Variants in GARNL3 observed in about 807,000 individuals in gnomAD.
GARNL3 encodes GTPase-activating Rap/Ran-GAP domain-like protein 3.
Under a neutral mutation model 125.0 loss-of-function variants are expected in GARNL3, and 63 were observed. The ratio of observed to expected loss-of-function variants is 0.50; its 90% confidence interval spans 0.41 to 0.62. The LOEUF is 0.62. GARNL3 is among the 20% of genes least tolerant of loss of function. The probability of loss-of-function intolerance (pLI) is 0.00; values close to 1 mark genes in which losing one functional copy is unlikely to be tolerated. For missense variants in GARNL3, 994 were observed against 1,244.0 expected (o/e 0.80, Z 3.02); for synonymous variants, 439 against 457.5 (o/e 0.96, Z 0.52).
chr9:127,259,984 G>A (rs1249762290), upstream of GARNL3, among the ~76,000 whole-genome samples: 1 of 152,198 alleles, frequency 6.6e-6, no homozygotes, highest in African/African-American at 2.4e-5. Context: ...AGTGAGCTAT[G>A]ATTACACCAC....
Position 127,344,234 on chromosome 9 carries a change from G to A in GARNL3, c.1252-1G>A. The stretch of plus-strand genomic sequence containing the variant: ...ATTCATAACTTGTTTTTCTTTTTTA[G>A]AACATGCTTAATAGACGATCTTTTA... On this transcript the variant is annotated splice_acceptor_variant, in intron 14 of 27. Coordinates refer to ENST00000373387, the MANE Select transcript of GARNL3 (RefSeq NM_032293.5). LOFTEE classifies it high-confidence loss of function. The A allele has an allele frequency of 6.3e-7, 1 of 1,592,472 alleles. No homozygotes were observed. Among genetic ancestry groups the A allele is most frequent in the Non-Finnish European group, 8.5e-7 (1 of 1,170,724 alleles).
chr9:127,225,861 ACGCCGGCCTCTGCCCGGGC>A (rs1389311396), intron 1 of GARNL3, among the ~76,000 whole-genome samples: 2 of 145,588 alleles, frequency 1.4e-5, no homozygotes, highest in African/African-American at 2.6e-5. Flanking sequence ...CTCCCTCGCG[ACGCCGGCCTCTGCCCGGGC>A]CGCCGGCGCC....
In GARNL3 at chr9:127,333,132, C is replaced by T; in HGVS notation, c.769+11C>T. The T allele has an allele frequency of 6.3e-7, 1 of 1,595,760 alleles. No individual in the cohort carries two copies. Among genetic ancestry groups the T allele is most frequent in the South Asian group, 1.1e-5 (1 of 90,688 alleles). On this transcript the variant is annotated intron_variant, in intron 9 of 27. Transcript: ENST00000373387. The stretch of plus-strand genomic sequence containing the variant: ...GTCTGGATACCAAAAGTAAGCCTGC[C>T]TCTTGATCTATTCTGTTGTAATTTG...
intron 16 of GARNL3, among the ~76,000 whole-genome samples, chr9:127,346,028 T>C (rs1233386308): frequency 1.3e-5 from 2 of 152,188 alleles, no homozygotes; most frequent in Non-Finnish European, 2.9e-5. Context: ...ATGCTGTTGG[T>C]TAGAGGACCA....
intron 10 of GARNL3, 49 bp downstream of exon 10, chr9:127,335,382 G>A (rs1588880276): frequency 7.3e-7 from 1 of 1,365,312 alleles, no homozygotes; most frequent in East Asian, 2.3e-5. Context: ...ATGTGGAGAG[G>A]GCACCATTAT....
chr9:127,273,070 T>A (rs2063863009), intron 1 of GARNL3, among the ~76,000 whole-genome samples: 1 of 152,188 alleles, frequency 6.6e-6, no homozygotes, highest in South Asian at 2.1e-4. Context: ...GTAGATGTAT[T>A]TACTTATTTA....
chr9:127,358,966 TG>T (rs141487627), intron 21 of GARNL3, among the ~76,000 whole-genome samples: 1 of 151,922 alleles, frequency 6.6e-6, no homozygotes, highest in East Asian at 1.9e-4. Flanking sequence ...TATCAGAATC[TG>T]GGGGGGTGTG....
Position 127,365,290 on chromosome 9 carries a change from A to G in GARNL3, c.2095-10A>G, listed in dbSNP as rs1438195702. On this transcript the variant is annotated splice_polypyrimidine_tract_variant and intron_variant, in intron 21 of 27. Coordinates refer to ENST00000373387, the MANE Select transcript of GARNL3 (RefSeq NM_032293.5). The stretch of plus-strand genomic sequence containing the variant: ...AGCCTGCCCACTACCGTTGCCCGTT[A>G]TCATTGCAGGTTAATTTTGTTGCAG... The G allele has an allele frequency of 6.2e-7, 1 of 1,612,452 alleles. No individual in the cohort carries two copies. Among genetic ancestry groups the G allele is most frequent in the Admixed American group, 1.7e-5 (1 of 60,018 alleles).
intron 19 of GARNL3, 56 bp from the exon 20 acceptor site, chr9:127,355,240 CT>C: frequency 6.7e-7 from 1 of 1,486,072 alleles, no homozygotes; most frequent in Admixed American, 1.7e-5. Context: ...TTGTCAAGGT[CT>C]GGGGGCTTCC....
chr9:127,387,778 C>A (rs1472015261), intron 25 of GARNL3, among the ~76,000 whole-genome samples: 1 of 150,152 alleles, frequency 6.7e-6, no homozygotes, highest in Non-Finnish European at 1.5e-5. Flanking sequence ...ATCTTGCAGT[C>A]TGAATACATG....
At chr9:127,301,980 G>A (rs977689707) in intron 2 of GARNL3, among the ~76,000 whole-genome samples, 1 of 110,334 alleles carries the variant, frequency 9.1e-6, no homozygotes, top group Non-Finnish European at 1.7e-5. Context: ...TCGCTCTGTC[G>A]CCCAGGCTGG....
At chr9:127,240,960 A>G (rs2063192860) in intron 1 of GARNL3, among the ~76,000 whole-genome samples, 1 of 152,242 alleles carries the variant, frequency 6.6e-6, no homozygotes, top group Non-Finnish European at 1.5e-5. Context: ...ATATCATTCA[A>G]CATGTAATCA....
At chr9:127,339,779 C>A in intron 13 of GARNL3, 28 bp downstream of exon 13, 1 of 1,380,626 alleles carries the variant, frequency 7.2e-7, no homozygotes, top group Non-Finnish European at 1.0e-6. Context: ...AACAATTTTG[C>A]AACTTGTTCT....
intron 1 of GARNL3, among the ~76,000 whole-genome samples, chr9:127,271,615 G>A (rs560029153): frequency 2.7e-5 from 4 of 150,428 alleles, no homozygotes; most frequent in South Asian, 2.1e-4. Context: ...TCATCACTTT[G>A]TGTTGAAATC....
At chr9:127,236,238 C>T (rs1485323670) in intron 1 of GARNL3, among the ~76,000 whole-genome samples, 1 of 152,128 alleles carries the variant, frequency 6.6e-6, no homozygotes. Flanking sequence ...CTGTAAGGAG[C>T]AGTAAAAAAT....
At chr9:127,383,369 C>G in intron 22 of GARNL3, 69 bp from the exon 23 acceptor site, 2 of 965,016 alleles carry the variant, frequency 2.1e-6, no homozygotes, top group Non-Finnish European at 3.2e-6. Context: ...GCCTGTTTTT[C>G]ATTTCTTTAA....
intron 1 of GARNL3, among the ~76,000 whole-genome samples, chr9:127,285,645 T>C (rs1428915338): frequency 2.0e-5 from 3 of 152,198 alleles, no homozygotes; most frequent in Admixed American, 6.5e-5. Context: ...AACTCTTCTT[T>C]CTAGTTATAA....
chr9:127,241,936 T>TTTGTTGTTGTTG (rs148526680), intron 1 of GARNL3, among the ~76,000 whole-genome samples: 22 of 150,254 alleles, frequency 1.5e-4, no homozygotes, highest in Non-Finnish European at 2.1e-4. Flanking sequence ...CCCGGCCTGG[T>TTTGTTGTTGTTG]TTGTTGTTGT....
intron 1 of GARNL3, among the ~76,000 whole-genome samples, chr9:127,227,562 C>T (rs1390552232): frequency 1.3e-5 from 2 of 151,822 alleles, no homozygotes; most frequent in Non-Finnish European, 2.9e-5. Context: ...GATTGTGCCA[C>T]TGCACTCCAG....
Sources: allele counts gnomAD v4.1 joint callset (sites outside exome capture counted in the v4.1 genomes callset), GRCh38; gene constraint gnomAD v4.1.1; transcripts MANE v1.5; gene names NCBI Gene and HGNC (gene_info 2026-07-23, HGNC 2026-07-21).